Variants in NINL observed in about 807,000 individuals in gnomAD.
NINL encodes the protein ninein-like protein.
Under a neutral mutation model 160.3 loss-of-function variants are expected in NINL, and 153 were observed. The ratio of observed to expected loss-of-function variants is 0.95; its 90% confidence interval spans 0.84 to 1.09. The LOEUF (loss-of-function observed/expected upper bound fraction) is 1.09. Among genes scored for constraint, NINL ranks in the 50% least tolerant of loss-of-function variants. The pLI is 0.00. For missense variants in NINL, 1,829 were observed against 1,764.0 expected (o/e 1.04, Z -0.66); for synonymous variants, 800 against 734.8 (o/e 1.09, Z -1.43).
intron 19 of NINL, among the ~76,000 whole-genome samples, chr20:25,465,684 C>G (rs2062896343): frequency 6.6e-6 from 1 of 152,170 alleles, no homozygotes; most frequent in African/African-American, 2.4e-5. Flanking sequence ...CTGTGTTTGT[C>G]TGAATGCCTG....
At chr20:25,504,192 G>T in intron 6 of NINL, 88 bp from the exon 7 acceptor site, 2 of 1,384,790 alleles carry the variant, frequency 1.4e-6, no homozygotes, top group South Asian at 1.4e-5. Flanking sequence ...CCTCCCTCTG[G>T]TTCCAAGTAC....
In NINL at chr20:25,563,945, G is replaced by A. The variant is rs6050683; in HGVS notation, c.-12+21510C>T. On this transcript the variant is annotated intron_variant, in intron 1 of 23. Transcript: ENST00000278886. ...CCAAAATGGATAGAACTGGCTGGGC[G>A]TGGTGGGTCATGCCTGTAATTCCAG... Among the ~76,000 whole-genome samples, 579 of 152,250 alleles carry A rather than the reference G, an allele frequency of 3.8e-3. 5 individuals carry two copies. Among genetic ancestry groups the A allele is most frequent in the African/African-American group, 0.013 (555 of 41,548 alleles).
intron 1 of NINL, among the ~76,000 whole-genome samples, chr20:25,570,475 C>T (rs975780778): frequency 3.9e-5 from 6 of 152,076 alleles, no homozygotes; most frequent in Non-Finnish European, 7.4e-5. Context: ...TCACTCCCCA[C>T]TCGCCTTCCG....
At chr20:25,580,484 G>T (rs1201953577) in intron 1 of NINL, among the ~76,000 whole-genome samples, 1 of 152,096 alleles carries the variant, frequency 6.6e-6, no homozygotes, top group Non-Finnish European at 1.5e-5. Flanking sequence ...AAATGACTTC[G>T]ACTCCAGGGA....
At chr20:25,568,887 G>C (rs1222398566) in intron 1 of NINL, among the ~76,000 whole-genome samples, 2 of 151,084 alleles carry the variant, frequency 1.3e-5, no homozygotes, top group African/African-American at 4.9e-5. Context: ...AGGAGTTTGA[G>C]ACCAGCCTGG....
chr20:25,465,014 C>CCA (rs1361177269), intron 19 of NINL, among the ~76,000 whole-genome samples: 1 of 152,230 alleles, frequency 6.6e-6, no homozygotes, highest in African/African-American at 2.4e-5. Flanking sequence ...ATCTGGCTTT[C>CCA]ACTGCAGAAG....
At chr20:25,463,741 C>T (rs1303172332) in intron 19 of NINL, among the ~76,000 whole-genome samples, 2 of 152,208 alleles carry the variant, frequency 1.3e-5, no homozygotes, top group Admixed American at 1.3e-4. Flanking sequence ...ACAACCACTG[C>T]CTTTGCTTCT....
At chr20:25,497,935 G>A (rs1221814414) in intron 9 of NINL, among the ~76,000 whole-genome samples, 2 of 152,222 alleles carry the variant, frequency 1.3e-5, no homozygotes, top group African/African-American at 4.8e-5. Context: ...GACTCAGACG[G>A]CACAGGTCCT....
At chr20:25,579,527 C>T (rs1023234237) in intron 1 of NINL, among the ~76,000 whole-genome samples, 7 of 152,210 alleles carry the variant, frequency 4.6e-5, no homozygotes, top group Admixed American at 6.5e-5. Flanking sequence ...ACAGCCCCCA[C>T]GGACCAGGCA....
chr20:25,475,209 A>C (rs2063201972), intron 17 of NINL, among the ~76,000 whole-genome samples: 1 of 151,650 alleles, frequency 6.6e-6, no homozygotes, highest in Non-Finnish European at 1.5e-5. Context: ...AGACAGCACC[A>C]CTGCACTCCA....
At chr20:25,514,116 G>C (rs2064121788) in intron 3 of NINL, among the ~76,000 whole-genome samples, 1 of 152,208 alleles carries the variant, frequency 6.6e-6, no homozygotes, top group African/African-American at 2.4e-5. Context: ...CTAGAGACTT[G>C]TTAAACTGAT....
chr20:25,475,668 T>C (rs539212709), intron 17 of NINL, among the ~76,000 whole-genome samples: 1 of 152,340 alleles, frequency 6.6e-6, no homozygotes, highest in South Asian at 2.1e-4. Context: ...GAGGACAGCC[T>C]GGCTAACATG....
At chr20:25,536,591 C>T (rs532947493) in intron 1 of NINL, among the ~76,000 whole-genome samples, 3 of 152,034 alleles carry the variant, frequency 2.0e-5, no homozygotes, top group South Asian at 2.1e-4. Context: ...TGGTGGCAGG[C>T]GCCTAAAATC....
intron 1 of NINL, among the ~76,000 whole-genome samples, chr20:25,545,409 T>A (rs925952328): frequency 6.6e-6 from 1 of 152,010 alleles, no homozygotes; most frequent in African/African-American, 2.4e-5. Flanking sequence ...AGACCTAAAG[T>A]CTCCCCTTTT....
At chr20:25,500,336 G>A (rs367911241) in intron 8 of NINL, among the ~76,000 whole-genome samples, 80 of 152,200 alleles carry the variant, frequency 5.3e-4, no homozygotes, top group African/African-American at 1.8e-3. Flanking sequence ...AGCAGAACAC[G>A]GAGGGAAGGG....
chr20:25,510,786 G>GTCCCCAGCAGCACCCC, intron 4 of NINL, 46 bp from the exon 5 acceptor site: 1 of 1,429,248 alleles, frequency 7.0e-7, no homozygotes, highest in Non-Finnish European at 9.8e-7. Flanking sequence ...AGGGGGTGCT[G>GTCCCCAGCAGCACCCC]CTGGGGACGG....
At chr20:25,496,959 T>C (rs2063768653) in intron 9 of NINL, among the ~76,000 whole-genome samples, 156 bp from the exon 10 acceptor site, 1 of 152,192 alleles carries the variant, frequency 6.6e-6, no homozygotes, top group South Asian at 2.1e-4. Context: ...TAAGGCAGTT[T>C]CTACAACTGC....
Position 25,453,636 on chromosome 20 carries a change from T to C in NINL, c.3964A>G (p.Lys1322Glu), listed in dbSNP as rs1243223626. Residue 1322 changes from lysine (K) to glutamate (E), a missense_variant, in exon 24 of 24, where the codon AAG becomes GAG. By Grantham distance (56) the Lys-to-Glu change is moderately conservative. Transcript: ENST00000278886. ...AGCAGCAGGTCGGACTTCGTGTTCTTTTCAAACTAGAGAGGGGAGGAAGCC... is the reference window on the plus strand; with the variant it reads ...AGCAGCAGGTCGGACTTCGTGTTCTCTTCAAACTAGAGAGGGGAGGAAGCC... ...KVDKLKEQFE[K>E]NTKSDLLLKE... The C allele has an allele frequency of 6.2e-7, 1 of 1,603,256 alleles. No individual in the cohort carries two copies. Among genetic ancestry groups the C allele is most frequent in the Non-Finnish European group, 8.5e-7 (1 of 1,174,806 alleles).
rs565901537 is a variant in NINL, at chr20:25,467,455, C to T, written c.3357G>A (p.Lys1119=). Reference sequence around the variant, plus strand: ...TGTCTTTCTTTAAAACCTCAATTTCCTTCCTGTTGAAGAAGCACAATTAAC... The same window carrying T: ...TGTCTTTCTTTAAAACCTCAATTTCTTTCCTGTTGAAGAAGCACAATTAAC... ...AAESTHDAQR[K]EIEVLKKDKE... Residue 1119 remains lysine (K), a synonymous_variant, in exon 19 of 24, where the codon AAG becomes AAA. Coordinates refer to ENST00000278886, the MANE Select transcript of NINL (RefSeq NM_025176.6). 8.7e-6 allele frequency: 14 copies of T among 1,613,558 alleles called. No individual in the cohort carries two copies. In the Admixed American group the frequency reaches 2.2e-4, roughly 25 times the overall value.
Sources: gnomAD v4.1 joint callset for allele counts (sites outside exome capture counted in the v4.1 genomes callset) on GRCh38, gnomAD v4.1.1 for gene constraint, MANE v1.5 for transcripts, NCBI Gene and HGNC (gene_info 2026-07-23, HGNC 2026-07-21) for gene names.